HDX: variants seen among roughly 807,000 people sequenced by gnomAD.
HDX encodes chromosome X open reading frame 43.
In HDX, 19 loss-of-function variants were observed where a neutral mutation model predicts 45.2. The observed-to-expected ratio is 0.42, with a 90% CI of 0.29 to 0.62. HDX has a LOEUF of 0.62. HDX is among the 20% of genes least tolerant of loss of function. The probability of loss-of-function intolerance (pLI) is 0.20; values close to 1 mark genes in which losing one functional copy is unlikely to be tolerated. For synonymous variants in HDX, 188 were observed against 172.8 expected (o/e 1.09, Z -0.69); for missense variants, 532 against 493.9 (o/e 1.08, Z -0.73).
chrX:84,347,449 T>C (rs1363905465), intron 6 of HDX, among the ~76,000 whole-genome samples: 3 of 111,637 alleles, frequency 2.7e-5, no homozygotes, highest in African/African-American at 9.7e-5. Context: ...TAAATTTTGC[T>C]CTCAGCACTA....
chrX:84,430,877 CTTTTA>C (rs956816287), intron 5 of HDX, among the ~76,000 whole-genome samples: 48 of 109,213 alleles, frequency 4.4e-4, no homozygotes, highest in African/African-American at 1.6e-3. Flanking sequence ...CAAGTTTACA[CTTTTA>C]TTTTAGGTTA....
chrX:84,458,892 G>GA (rs1032201941), intron 4 of HDX, among the ~76,000 whole-genome samples: 15 of 108,260 alleles, frequency 1.4e-4, no homozygotes, highest in South Asian at 3.9e-4. Flanking sequence ...AGTGCTTTCA[G>GA]AAAAAAAAAG....
chrX:84,413,709 T>A (rs2039038643), intron 5 of HDX, among the ~76,000 whole-genome samples: 1 of 112,144 alleles, frequency 8.9e-6, no homozygotes, highest in East Asian at 2.8e-4. Flanking sequence ...ATTCCTCTTT[T>A]TCTGAAGAGA....
At chrX:84,323,822 T>G (rs1337856509) in intron 10 of HDX, among the ~76,000 whole-genome samples, 1 of 112,521 alleles carries the variant, frequency 8.9e-6, no homozygotes, top group Non-Finnish European at 1.9e-5. Flanking sequence ...AAATGTTTCA[T>G]AAATGACAAC....
At chrX:84,376,738 CA>C (rs764094070) in intron 5 of HDX, among the ~76,000 whole-genome samples, 1 of 112,218 alleles carries the variant, frequency 8.9e-6, no homozygotes, top group Admixed American at 9.4e-5. Context: ...AATAGAACAA[CA>C]GGTAAATTTA....
intron 5 of HDX, among the ~76,000 whole-genome samples, chrX:84,396,642 G>A (rs2038572525): frequency 8.9e-6 from 1 of 112,038 alleles, no homozygotes; most frequent in African/African-American, 3.2e-5. Context: ...TCTGGGTTTT[G>A]AGCAGTAAAT....
intron 5 of HDX, among the ~76,000 whole-genome samples, chrX:84,384,375 GT>G (rs1029953505): frequency 9.1e-6 from 1 of 110,285 alleles, no homozygotes; most frequent in African/African-American, 3.3e-5. Context: ...TTGTATTGGG[GT>G]TGTTTTTTGT....
intron 4 of HDX, among the ~76,000 whole-genome samples, chrX:84,446,581 T>C (rs1365143995): frequency 9.0e-6 from 1 of 111,085 alleles, no homozygotes; most frequent in Non-Finnish European, 1.9e-5. Flanking sequence ...TATGGACTGA[T>C]ACATTTATTC....
At chrX:84,412,579 C>T (rs2039013559) in intron 5 of HDX, among the ~76,000 whole-genome samples, 1 of 111,340 alleles carries the variant, frequency 9.0e-6, no homozygotes, top group East Asian at 2.9e-4. Flanking sequence ...TAAACTGACC[C>T]TTCTGTCTAG....
intron 5 of HDX, among the ~76,000 whole-genome samples, chrX:84,383,568 T>G (rs2038238298): frequency 8.9e-6 from 1 of 111,885 alleles, no homozygotes; most frequent in Non-Finnish European, 1.9e-5. Context: ...TTACTTGTAG[T>G]TGCTGTCATT....
intron 4 of HDX, among the ~76,000 whole-genome samples, chrX:84,451,589 C>A (rs2039999541): frequency 1.8e-5 from 2 of 110,901 alleles, no homozygotes; most frequent in African/African-American, 6.5e-5. Flanking sequence ...CTGCCAAATT[C>A]TATGAAACTT....
At chrX:84,474,895 C>G (rs1362272301) in intron 3 of HDX, among the ~76,000 whole-genome samples, 1 of 111,839 alleles carries the variant, frequency 8.9e-6, no homozygotes, top group Non-Finnish European at 1.9e-5. Flanking sequence ...ATATAGTATT[C>G]ACTTGGTAAA....
intron 5 of HDX, among the ~76,000 whole-genome samples, chrX:84,368,415 T>G (rs2037812954): frequency 9.0e-6 from 1 of 111,714 alleles, no homozygotes; most frequent in South Asian, 3.7e-4. Context: ...TACAAAATTT[T>G]ATGCTCCATA....
At chrX:84,379,974 C>T (rs1315759814) in intron 5 of HDX, among the ~76,000 whole-genome samples, 2 of 110,178 alleles carry the variant, frequency 1.8e-5, no homozygotes, top group African/African-American at 3.3e-5. Flanking sequence ...AAACCTTTAG[C>T]GACACTAACA....
chrX:84,392,935 A>G (rs769079299), intron 5 of HDX, among the ~76,000 whole-genome samples: 14 of 108,732 alleles, frequency 1.3e-4, no homozygotes, highest in Non-Finnish European at 2.7e-4. Context: ...TATAATCTGT[A>G]AACAGGGATA....
chrX:84,491,995 C>T (rs755222301), intron 1 of HDX, among the ~76,000 whole-genome samples: 17 of 111,315 alleles, frequency 1.5e-4, no homozygotes, highest in Non-Finnish European at 3.2e-4. Flanking sequence ...TTCTGAAGCT[C>T]TCTCCATATG....
At chrX:84,440,871 T>C (rs1351505763) in intron 4 of HDX, among the ~76,000 whole-genome samples, 1 of 110,775 alleles carries the variant, frequency 9.0e-6, no homozygotes, top group Non-Finnish European at 1.9e-5. Context: ...TTTTAAAATC[T>C]ATAGATAATA....
chrX:84,377,533 A>C (rs2038085864), intron 5 of HDX, among the ~76,000 whole-genome samples: 1 of 111,548 alleles, frequency 9.0e-6, no homozygotes, highest in Admixed American at 9.6e-5. Flanking sequence ...CTATCAGATA[A>C]ATTTAACAAA....
chrX:84,396,461 G>T (rs1288796662), intron 5 of HDX, among the ~76,000 whole-genome samples: 1 of 112,154 alleles, frequency 8.9e-6, no homozygotes, highest in Admixed American at 9.5e-5. Flanking sequence ...GGGCCCTAAG[G>T]CAGAGTATTA....
Sources: gnomAD v4.1 joint callset for allele counts (sites outside exome capture counted in the v4.1 genomes callset) on GRCh38, gnomAD v4.1.1 for gene constraint, MANE v1.5 for transcripts, NCBI Gene and HGNC (gene_info 2026-07-23, HGNC 2026-07-21) for gene names.